CTNNA1: variants seen among roughly 807,000 people sequenced by gnomAD.
CTNNA1 encodes catenin alpha-1.
In CTNNA1, 37 loss-of-function variants were observed where a neutral mutation model predicts 98.4. That is an observed-to-expected ratio of 0.38 (90% confidence interval 0.29 to 0.49). The LOEUF (loss-of-function observed/expected upper bound fraction) is 0.49, where lower values mean the gene tolerates loss of function less well. Among genes scored for constraint, CTNNA1 ranks in the 20% least tolerant of loss-of-function variants. The pLI is 0.95. For synonymous variants in CTNNA1, 404 were observed against 413.2 expected, an observed-to-expected ratio of 0.98 and a Z score of 0.27; for missense variants, 761 against 1,147.2, an observed-to-expected ratio of 0.66 and a Z score of 4.86.
intron 7 of CTNNA1, among the ~76,000 whole-genome samples, chr5:138,876,221 G>A (rs958715183): frequency 1.3e-4 from 20 of 152,116 alleles, no homozygotes; most frequent in African/African-American, 4.1e-4. Context: ...AAAAGCCTCC[G>A]CTGGTACTGA....
intron 9 of CTNNA1, among the ~76,000 whole-genome samples, chr5:138,900,684 C>T (rs1489168242): frequency 6.6e-6 from 1 of 152,086 alleles, no homozygotes; most frequent in African/African-American, 2.4e-5. Flanking sequence ...AAAGGTAGAG[C>T]CTTCCTAAAA....
Position 138,891,248 on chromosome 5 carries a change from G to A in CTNNA1, c.1296+3606G>A, listed in dbSNP as rs192371448. The A allele has an allele frequency of 9.2e-5, 14 of 152,286 alleles. No individual in the cohort carries two copies. The East Asian group carries it at 2.5e-3, about 27-fold the overall frequency. 9.4% of individuals were successfully genotyped at this position (152,286 alleles called of 1,614,324 possible). ...TTTCTCATAGAATCATAGGTTCTTA[G>A]TCTGGTGTGTAAATCCCTTTCACTT... On this transcript the variant is annotated intron_variant, in intron 9 of 17. Transcript: ENST00000302763.
rs1580984275 is a variant in CTNNA1 at position 138,783,260 on chromosome 5, A to G, written c.189A>G (p.Ala63=). ...CTAAGAAGGCCCATGTTTTGGCTGCATCTGTTGAACAAGCAACTGAGAATT... is the reference window on the plus strand; with the variant it reads ...CTAAGAAGGCCCATGTTTTGGCTGCGTCTGTTGAACAAGCAACTGAGAATT... The part of the protein sequence containing the change: ...GRSKKAHVLA[A]SVEQATENFL... Residue 63 remains alanine, a synonymous_variant, in exon 3 of 18, where the codon GCA becomes GCG. Transcript: ENST00000302763. 1 of 1,614,174 alleles carries G rather than the reference A, an allele frequency of 6.2e-7. No individual in the cohort carries two copies. The highest frequency in any genetic ancestry group is 8.5e-7 in the Non-Finnish European group (1 of 1,180,004).
chr5:138,880,067 A>G (rs1752557773), intron 7 of CTNNA1: 3 of 152,238 alleles, frequency 2.0e-5, no homozygotes, highest in South Asian at 2.1e-4. Context: ...AAGGTCTTCC[A>G]TAGAAGTTTG....
intron 7 of CTNNA1, among the ~76,000 whole-genome samples, chr5:138,855,220 G>A (rs1763626987): frequency 6.6e-6 from 1 of 152,132 alleles, no homozygotes; most frequent in Admixed American, 6.5e-5. Context: ...TGTATTTTTA[G>A]TAGAGACAGG....
chr5:138,816,905 G>A (rs1561555735), intron 5 of CTNNA1, among the ~76,000 whole-genome samples: 1 of 152,050 alleles, frequency 6.6e-6, no homozygotes, highest in Non-Finnish European at 1.5e-5. Flanking sequence ...CACCATGTTG[G>A]CCAGGCTGGT....
At chr5:138,894,015 C>A (rs761966585) in intron 9 of CTNNA1, among the ~76,000 whole-genome samples, 3 of 152,042 alleles carry the variant, frequency 2.0e-5, no homozygotes, top group Non-Finnish European at 2.9e-5. Flanking sequence ...CCTCCCGGTT[C>A]AAGCAATTCT....
At chr5:138,826,271 G>A (rs1370651381) in intron 6 of CTNNA1, among the ~76,000 whole-genome samples, 6 of 152,156 alleles carry the variant, frequency 3.9e-5, no homozygotes, top group Admixed American at 3.9e-4. Flanking sequence ...ATTGGAAAAG[G>A]GCAAGGTTTT....
Position 138,929,237 on chromosome 5 carries a change from G to C in CTNNA1, c.1900-9G>C, listed in dbSNP as rs372481021. The C allele has an allele frequency of 2.0e-6, 3 of 1,481,794 alleles. No homozygotes were observed. In the African/African-American group the frequency reaches 4.1e-5, roughly 20 times the overall value. 91.8% of individuals were successfully genotyped at this position (1,481,794 alleles called of 1,614,324 possible). ...TGTGTCTGACCTGTGATCTTTGTCT[G>C]GGTGGCAGACCCCTGAGGAGTTGGA... On this transcript the variant is annotated splice_polypyrimidine_tract_variant and intron_variant, in intron 13 of 17. Coordinates refer to ENST00000302763, the MANE Select transcript of CTNNA1 (RefSeq NM_001903.5).
rs75402149 is a variant in CTNNA1 at position 138,826,126 on chromosome 5, A to C, written c.858+1327A>C. On this transcript the variant is annotated intron_variant, in intron 6 of 17. Transcript: ENST00000302763. ...AAGCATTTTGTATTCAGTTTTGACC[A>C]GAGAAATCCTGTAATAACCTAACCT... Among the ~76,000 whole-genome samples the C allele has an allele frequency of 5.9e-3, 904 of 152,332 alleles. 3 individuals are homozygous for C. Among genetic ancestry groups the C allele is most frequent in the Non-Finnish European group, 0.01 (682 of 68,024 alleles).
At chr5:138,926,981 A>G (rs11749163) in intron 13 of CTNNA1, among the ~76,000 whole-genome samples, 45,260 of 152,018 alleles carry the variant, frequency 0.3, 6,957 homozygotes, top group African/African-American at 0.35. Flanking sequence ...CCAGACCTCG[A>G]ATCTTTTATT....
At chr5:138,764,992 G>C (rs979560122) in intron 1 of CTNNA1, among the ~76,000 whole-genome samples, 2 of 148,350 alleles carry the variant, frequency 1.3e-5, no homozygotes, top group Non-Finnish European at 3.0e-5. Context: ...TTCTGCCTCA[G>C]CCTTCCGAGT....
At chr5:138,836,685 G>A (rs1419457917) in intron 7 of CTNNA1, among the ~76,000 whole-genome samples, 2 of 152,186 alleles carry the variant, frequency 1.3e-5, no homozygotes, top group African/African-American at 4.8e-5. Flanking sequence ...GTGTTAGGCA[G>A]CAGGTGGATA....
At chr5:138,925,175 T>A in intron 12 of CTNNA1, 81 bp from the exon 13 acceptor site, 1 of 1,496,104 alleles carries the variant, frequency 6.7e-7, no homozygotes, top group Non-Finnish European at 9.1e-7. Flanking sequence ...CCTCTTTCTG[T>A]CTAGCTGAGT....
intron 10 of CTNNA1, among the ~76,000 whole-genome samples, chr5:138,905,694 C>CT (rs1405967275): frequency 6.6e-6 from 1 of 152,218 alleles, no homozygotes; most frequent in African/African-American, 2.4e-5. Context: ...ACAGCGAATG[C>CT]TTTTTAAGTG....
At chr5:138,769,508 C>T (rs1295673174) in intron 1 of CTNNA1, among the ~76,000 whole-genome samples, 1 of 151,772 alleles carries the variant, frequency 6.6e-6, no homozygotes, top group African/African-American at 2.4e-5. Flanking sequence ...CCTGCCTCAG[C>T]CTCCCGATAT....
chr5:138,897,670 C>A (rs1040292221), intron 9 of CTNNA1, among the ~76,000 whole-genome samples: 4 of 152,106 alleles, frequency 2.6e-5, no homozygotes, highest in African/African-American at 9.7e-5. Flanking sequence ...TTCCAGAATT[C>A]TAAGCATACT....
intron 1 of CTNNA1, among the ~76,000 whole-genome samples, chr5:138,774,577 T>C (rs1419801613): frequency 6.6e-6 from 1 of 152,074 alleles, no homozygotes; most frequent in Admixed American, 6.5e-5. Context: ...AGGCCAGGTG[T>C]CATTTGCAAT....
chr5:138,932,908 ACTGCAAGGG>A (rs1765692866), intron 17 of CTNNA1, 196 bp downstream of exon 17: 7 of 808,714 alleles, frequency 8.7e-6, no homozygotes, highest in Non-Finnish European at 1.5e-5. Flanking sequence ...CCTGCGGGGC[ACTGCAAGGG>A]CTGAAAGGCT....
Sources: allele counts gnomAD v4.1 joint callset (sites outside exome capture counted in the v4.1 genomes callset), GRCh38; gene constraint gnomAD v4.1.1; transcripts MANE v1.5; gene names NCBI Gene and HGNC (gene_info 2026-07-23, HGNC 2026-07-21).